Variants in SPOCK1 observed in about 807,000 individuals in gnomAD.
SPOCK1 encodes SPARC (osteonectin), cwcv and kazal like domains proteoglycan 1, also known as testican-1.
In SPOCK1, 23 loss-of-function variants were observed where a neutral mutation model predicts 55.3. The observed-to-expected ratio is 0.42, with a 90% CI of 0.30 to 0.59. The LOEUF (loss-of-function observed/expected upper bound fraction) is 0.59. Among genes scored for constraint, SPOCK1 ranks in the 20% least tolerant of loss-of-function variants. The pLI is 0.22. For synonymous variants in SPOCK1, 226 were observed against 221.0 expected (o/e 1.02, Z -0.20); for missense variants, 499 against 552.5 (o/e 0.90, Z 0.97).
intron 3 of SPOCK1, among the ~76,000 whole-genome samples, chr5:137,228,525 C>T (rs983569237): frequency 5.3e-5 from 8 of 152,082 alleles, no homozygotes; most frequent in African/African-American, 1.9e-4. Flanking sequence ...CACCTGTAGT[C>T]CCAGTTACTT....
chr5:137,129,475 G>T (rs147065792), intron 4 of SPOCK1, among the ~76,000 whole-genome samples: 8 of 152,338 alleles, frequency 5.3e-5, no homozygotes, highest in South Asian at 2.1e-4. Flanking sequence ...GCCTCCCTGA[G>T]AATTCAGAGG....
intron 3 of SPOCK1, among the ~76,000 whole-genome samples, chr5:137,225,978 C>G (rs114340950): frequency 0.016 from 2,506 of 152,294 alleles, 77 homozygotes; most frequent in African/African-American, 0.056. Flanking sequence ...TTGGAGCACG[C>G]CTCACCAGGC....
Position 137,162,172 on chromosome 5 carries a change from C to T in SPOCK1, c.233-21478G>A, listed in dbSNP as rs1754571016. On this transcript the variant is annotated intron_variant, in intron 3 of 10. Transcript: ENST00000394945. ...TTCCTCTTGAGATGGAGTCTTGGCT[C>T]TATTGCCCAGGCTGGAGTACAATGG... 5.1e-5 allele frequency among the ~76,000 whole-genome samples: 7 copies of T among 138,514 alleles called. No individual in the cohort carries two copies. In the South Asian group the frequency reaches 1.6e-3, roughly 31 times the overall value. The allele number at this position is 138,514 out of a possible 152,430, so 90.9% of individuals were successfully genotyped here.
At chr5:137,315,349 T>C (rs963844478) in intron 2 of SPOCK1, among the ~76,000 whole-genome samples, 5 of 152,206 alleles carry the variant, frequency 3.3e-5, no homozygotes, top group African/African-American at 1.2e-4. Context: ...AGGATCTGTC[T>C]TCAACTCTGA....
chr5:137,256,863 C>A (rs1756644738), intron 3 of SPOCK1, among the ~76,000 whole-genome samples: 1 of 152,142 alleles, frequency 6.6e-6, no homozygotes, highest in South Asian at 2.1e-4. Flanking sequence ...CACAAACAGC[C>A]CAAAGGCACA....
At chr5:137,393,374 T>C (rs1037250433) in intron 2 of SPOCK1, among the ~76,000 whole-genome samples, 3 of 152,298 alleles carry the variant, frequency 2.0e-5, no homozygotes, top group South Asian at 4.1e-4. Context: ...AGCTAGCTTC[T>C]AGGAGATGAG....
intron 5 of SPOCK1, among the ~76,000 whole-genome samples, chr5:137,099,340 G>A (rs1753215120): frequency 6.6e-6 from 1 of 152,096 alleles, no homozygotes; most frequent in Non-Finnish European, 1.5e-5. Context: ...AGGTATAATG[G>A]GTTGGGGCAA....
intron 5 of SPOCK1, among the ~76,000 whole-genome samples, chr5:137,109,700 T>C (rs957052764): frequency 6.6e-6 from 1 of 152,162 alleles, no homozygotes; most frequent in Non-Finnish European, 1.5e-5. Context: ...CTCATGGTTC[T>C]TCAAACACCT....
intron 3 of SPOCK1, among the ~76,000 whole-genome samples, chr5:137,146,871 A>G (rs970528404): frequency 1.3e-5 from 2 of 152,186 alleles, no homozygotes; most frequent in African/African-American, 4.8e-5. Flanking sequence ...CAGAGAGCAG[A>G]GTGGCATAAA....
At chr5:137,077,263 C>T (rs1752787991) in intron 5 of SPOCK1, among the ~76,000 whole-genome samples, 1 of 152,212 alleles carries the variant, frequency 6.6e-6, no homozygotes, top group African/African-American at 2.4e-5. Context: ...TTCACTTCTC[C>T]CTAGTCCAGT....
intron 2 of SPOCK1, among the ~76,000 whole-genome samples, chr5:137,324,248 C>T (rs1311639301): frequency 2.0e-5 from 3 of 152,266 alleles, no homozygotes; most frequent in Admixed American, 6.5e-5. Context: ...AGTTCAAGAA[C>T]AGCCTGGCCA....
chr5:137,095,334 C>T (rs1580747805), intron 5 of SPOCK1, among the ~76,000 whole-genome samples: 1 of 148,828 alleles, frequency 6.7e-6, no homozygotes, highest in African/African-American at 2.6e-5. Flanking sequence ...CCACAAACCT[C>T]CAATTTGTAA....
intron 3 of SPOCK1, among the ~76,000 whole-genome samples, chr5:137,260,751 T>C (rs947602935): frequency 6.6e-6 from 1 of 152,252 alleles, no homozygotes; most frequent in Non-Finnish European, 1.5e-5. Flanking sequence ...TAGCTTTCTG[T>C]TTCTTCCCTG....
chr5:137,394,110 T>C (rs1751789154), intron 2 of SPOCK1, among the ~76,000 whole-genome samples: 1 of 152,246 alleles, frequency 6.6e-6, no homozygotes, highest in African/African-American at 2.4e-5. Flanking sequence ...CTTCTCTGAA[T>C]CCTTGGTGTG....
chr5:137,185,160 G>T (rs1227448995), intron 3 of SPOCK1, among the ~76,000 whole-genome samples: 3 of 152,204 alleles, frequency 2.0e-5, no homozygotes, highest in African/African-American at 7.2e-5. Flanking sequence ...TGGGAGAGGG[G>T]GAGGGAAGAA....
intron 2 of SPOCK1, among the ~76,000 whole-genome samples, chr5:137,349,976 G>C (rs940284654): frequency 2.0e-4 from 31 of 152,282 alleles, no homozygotes; most frequent in Middle Eastern, 3.4e-3. Context: ...TGGAGGGAAG[G>C]GGGATGTTAA....
chr5:137,303,152 C>T (rs574208361), intron 2 of SPOCK1, among the ~76,000 whole-genome samples: 1 of 152,146 alleles, frequency 6.6e-6, no homozygotes, highest in East Asian at 1.9e-4. Context: ...GGTTATTGTA[C>T]AAAGAGGCAA....
intron 2 of SPOCK1, among the ~76,000 whole-genome samples, chr5:137,454,467 C>T (rs1271666431): frequency 6.6e-6 from 1 of 152,090 alleles, no homozygotes; most frequent in African/African-American, 2.4e-5. Flanking sequence ...AAAGGAAAGG[C>T]CATATTCCTA....
intron 2 of SPOCK1, among the ~76,000 whole-genome samples, chr5:137,286,894 A>G (rs1052495945): frequency 2.0e-5 from 3 of 152,224 alleles, no homozygotes; most frequent in Non-Finnish European, 4.4e-5. Flanking sequence ...TTAAAGGAAG[A>G]GTTACACAAA....
Sources: allele counts gnomAD v4.1 joint callset (sites outside exome capture counted in the v4.1 genomes callset), GRCh38; gene constraint gnomAD v4.1.1; transcripts MANE v1.5; gene names NCBI Gene and HGNC (gene_info 2026-07-23, HGNC 2026-07-21).